EDC4: variants seen among roughly 807,000 people sequenced by gnomAD.
The protein encoded by EDC4 is enhancer of mRNA decapping 4.
A neutral mutation model predicts 155.8 loss-of-function variants in EDC4; 64 were observed. The ratio of observed to expected loss-of-function variants is 0.41; its 90% CI spans 0.34 to 0.51. The LOEUF (loss-of-function observed/expected upper bound fraction) is 0.51, where lower values mean the gene tolerates loss of function less well. EDC4 is among the 20% of genes least tolerant of loss of function. The probability of loss-of-function intolerance (pLI) is 0.19; values close to 1 mark genes in which losing one functional copy is unlikely to be tolerated. For synonymous variants in EDC4, 684 were observed against 716.8 expected, an observed-to-expected ratio of 0.95 and a Z score of 0.73; for missense variants, 1,303 against 1,812.5, an observed-to-expected ratio of 0.72 and a Z score of 5.10.
Position 67,877,461 on chromosome 16 carries a change from G to A in EDC4, c.642-48G>A, listed in dbSNP as rs755820697. The stretch of plus-strand genomic sequence containing the variant: ...CTGAAGAAGGGTGGGCGGAGCTGGG[G>A]TGTCACGCCTCTTCATTCATCTATC... On this transcript the variant is annotated intron_variant, in intron 5 of 28. Transcript: ENST00000358933. The surrounding 1 kb of genome is among the most constrained non-coding windows in gnomAD (Gnocchi z 4.9). 6 of 1,611,606 alleles carry A rather than the reference G, an allele frequency of 3.7e-6. No individual in the cohort carries two copies. Among genetic ancestry groups the A allele is most frequent in the Non-Finnish European group, 5.1e-6 (6 of 1,178,162 alleles).
At position 67,876,038 on chromosome 16, in the gene EDC4, C is replaced by T; in HGVS notation, c.176C>T (p.Thr59Ile). The stretch of plus-strand genomic sequence containing the variant: ...GACCCGCTCTGCTCAGGTGATAGTA[C>T]CTCAGCAAACAAGACTGGTCTTCGG... Reference protein sequence around the residue: ...VPDPLCSGDSTSANKTGLRTM... With the variant: ...VPDPLCSGDSISANKTGLRTM... The change falls in exon 2 of 29, where the codon ACC (threonine) becomes ATC (isoleucine). Residue 59 changes from threonine (T) to isoleucine (I), a missense_variant. By Grantham distance (89) the Thr-to-Ile change is moderately conservative (BLOSUM62 -1). Coordinates refer to ENST00000358933, the MANE Select transcript of EDC4 (RefSeq NM_014329.5). The surrounding 1 kb of genome is among the most constrained non-coding windows in gnomAD (Gnocchi z 5.8). 1 of 1,614,204 alleles carries T rather than the reference C, an allele frequency of 6.2e-7. No homozygotes were observed. Among genetic ancestry groups the T allele is most frequent in the Non-Finnish European group, 8.5e-7 (1 of 1,180,044 alleles).
Position 67,881,555 on chromosome 16 carries a change from G to T in EDC4, c.2826+22G>T, listed in dbSNP as rs779001562. On this transcript the variant is annotated intron_variant, in intron 21 of 28. Transcript: ENST00000358933. The surrounding 1 kb of genome is among the most constrained non-coding windows in gnomAD (Gnocchi z 5.4). ...CCAGGTAAGTGAATGAGCCCACTTT[G>T]TACTTGTGGAACTTCACCCTGGGCG... 1 of 1,613,752 alleles carries T rather than the reference G, an allele frequency of 6.2e-7. No homozygotes were observed.
In EDC4 at chr16:67,882,806, C is replaced by T. The variant is rs1261651047; in HGVS notation, c.3570C>T (p.Ala1190=). 5.6e-6 allele frequency: 9 copies of T among 1,614,026 alleles called. No individual in the cohort carries two copies. Among genetic ancestry groups the T allele is most frequent in the African/African-American group, 1.3e-5 (1 of 74,934 alleles). ...AGAGTGCCACTGAGCAGATGGCAGC[C>T]ACCGTGGCCGGCAGTGTTCGTGCTG... ...TLQSATEQMA[A]TVAGSVRAEV... is the part of the protein sequence containing the mutation. Residue 1190 remains alanine (A), a synonymous_variant, in exon 26 of 29, where the codon GCC becomes GCT. Transcript: ENST00000358933. The surrounding 1 kb of genome is among the most constrained non-coding windows in gnomAD (Gnocchi z 7.2).
Position 67,883,528 on chromosome 16 carries a change from T to A in EDC4, c.3850-40T>A, listed in dbSNP as rs776514778. ...GTTCAGACAAGCAGACATTCCATCC[T>A]GATATTTGCTATAAACACTGCTGCT... is the stretch of plus-strand genomic sequence containing the variant. On this transcript the variant is annotated intron_variant, in intron 27 of 28. Transcript: ENST00000358933. The surrounding 1 kb of genome is among the most constrained non-coding windows in gnomAD (Gnocchi z 5.3). 2.9e-5 allele frequency: 46 copies of A among 1,605,636 alleles called. No homozygotes were observed. The highest frequency in any genetic ancestry group is 1.0e-4 in the Admixed American group (6 of 59,962).
In EDC4 at chr16:67,881,533, G is replaced by C; in HGVS notation, c.2826G>C (p.Gln942His). 1 of 1,613,894 alleles carries C rather than the reference G, an allele frequency of 6.2e-7. No homozygotes were observed. The highest frequency in any genetic ancestry group is 8.5e-7 in the Non-Finnish European group (1 of 1,180,024). The change falls in exon 21 of 29, where the codon CAG (glutamine) becomes CAC (histidine). Residue 942 changes from glutamine (Q) to histidine (H), a missense_variant and splice_region_variant. Gln to His is a conservative substitution (Grantham distance 24, BLOSUM62 0). Coordinates refer to ENST00000358933, the MANE Select transcript of EDC4 (RefSeq NM_014329.5). The surrounding 1 kb of genome is among the most constrained non-coding windows in gnomAD (Gnocchi z 5.4). ...TGGGATCCCGGCTCACAGAGCACCAGGTAAGTGAATGAGCCCACTTTGTAC... is the reference window on the plus strand; with the variant it reads ...TGGGATCCCGGCTCACAGAGCACCACGTAAGTGAATGAGCCCACTTTGTAC... ...AAMGSRLTEH[Q>H]VAEPPEDWPA... is the part of the protein sequence containing the mutation.
In EDC4 at chr16:67,883,238, T is replaced by C; in HGVS notation, c.3849+61T>C. 1 of 1,496,326 alleles carries C rather than the reference T, an allele frequency of 6.7e-7. No individual in the cohort carries two copies. The highest frequency in any genetic ancestry group is 8.9e-7 in the Non-Finnish European group (1 of 1,120,932). The allele number at this position is 1,496,326 out of a possible 1,614,324, so 92.7% of individuals were successfully genotyped here. On this transcript the variant is annotated intron_variant, in intron 27 of 28. Transcript: ENST00000358933. The surrounding 1 kb of genome is among the most constrained non-coding windows in gnomAD (Gnocchi z 5.3). The stretch of plus-strand genomic sequence containing the variant: ...GTCTCTTGACAAGGCCCACATACCA[T>C]ACATTCTACTCCACCCACCACCTTT...
chr16:67,878,098 T>C lies in EDC4; in HGVS notation c.895-68T>C, dbSNP rs2151304761. ...TCCCACCGTGAGTCAGCCCAGCTCA[T>C]TGCCATCCTCACTTGGGAGGGGCTT... On this transcript the variant is annotated intron_variant, in intron 7 of 28. Coordinates refer to ENST00000358933, the MANE Select transcript of EDC4 (RefSeq NM_014329.5). The surrounding 1 kb of genome is among the most constrained non-coding windows in gnomAD (Gnocchi z 5.2). 6.2e-7 allele frequency: 1 copy of C among 1,602,254 alleles called. No homozygotes were observed. The highest frequency in any genetic ancestry group is 8.5e-7 in the Non-Finnish European group (1 of 1,173,488).
At chr16:67,875,726 C>A (rs2058038667) in intron 1 of EDC4, 4 of 1,363,904 alleles carry the variant, frequency 2.9e-6, no homozygotes, top group Non-Finnish European at 3.8e-6. Context: ...ATGGCTTGTA[C>A]CCCTCCCCCA....
Position 67,877,031 on chromosome 16 carries a change from C to G in EDC4, c.451+59C>G, listed in dbSNP as rs1454745658. The G allele has an allele frequency of 1.1e-5, 18 of 1,601,648 alleles. No homozygotes were observed. On this transcript the variant is annotated intron_variant, in intron 4 of 28. Coordinates refer to ENST00000358933, the MANE Select transcript of EDC4 (RefSeq NM_014329.5). This position sits in a 1 kb window ranked among gnomAD's most constrained non-coding sequence, Gnocchi z 4.9. ...TGCTGGATGTCCCACAGAGCCAGTT[C>G]CAACATCAGGCCACTCAGGCCTTAG...
Position 67,876,666 on chromosome 16 carries a change from A to T in EDC4, c.351+67A>T. 6.3e-7 allele frequency: 1 copy of T among 1,592,706 alleles called. No individual in the cohort carries two copies. The highest frequency in any genetic ancestry group is 8.6e-7 in the Non-Finnish European group (1 of 1,167,334). On this transcript the variant is annotated intron_variant, in intron 3 of 28. Transcript: ENST00000358933. The surrounding 1 kb of genome is among the most constrained non-coding windows in gnomAD (Gnocchi z 5.8). ...ACACCCAGCCTTTCCAGTCTCCCTC[A>T]TGCTGCCAGTTCCTATGGGGACCAC...
intron 1 of EDC4, 53 bp downstream of exon 1, chr16:67,873,396 C>T: frequency 1.5e-6 from 2 of 1,353,010 alleles, no homozygotes; most frequent in Non-Finnish European, 1.9e-6. Context: ...AAGGGCGGCG[C>T]GCGTCTGAAC....
rs1211651499 is a variant in EDC4, at chr16:67,880,878, A to G, written c.2419A>G (p.Thr807Ala). 1.9e-6 allele frequency: 3 copies of G among 1,612,156 alleles called. No homozygotes were observed. Among genetic ancestry groups the G allele is most frequent in the Non-Finnish European group, 2.5e-6 (3 of 1,179,600 alleles). ...GGPGDGDRHN[T>A]PSLLEAALTQ... ...CCCTGGGGATGGAGATCGGCATAAT[A>G]CCCCCTCCCTCCTGGAGGCAGCCTT... is the stretch of plus-strand genomic sequence containing the variant. Residue 807 changes from threonine (T) to alanine (A), a missense_variant, in exon 18 of 29, where the codon ACC becomes GCC. Transcript: ENST00000358933. The surrounding 1 kb of genome is among the most constrained non-coding windows in gnomAD (Gnocchi z 5.2).
rs761133650 is a variant in EDC4 at position 67,881,934 on chromosome 16, G to T, written c.3005-20G>T. The T allele has an allele frequency of 1.2e-6, 2 of 1,604,166 alleles. No homozygotes were observed. The highest frequency in any genetic ancestry group is 1.7e-6 in the Non-Finnish European group (2 of 1,173,496). On this transcript the variant is annotated intron_variant, in intron 22 of 28. Transcript: ENST00000358933. This position sits in a 1 kb window ranked among gnomAD's most constrained non-coding sequence, Gnocchi z 5.4. ...GGAGTACACGACCTGCTCCAGGCCC[G>T]TTCCTTAGCTATGGCGCAGAGCGGC... is the stretch of plus-strand genomic sequence containing the variant.
In EDC4 at chr16:67,882,022, C is replaced by A; in HGVS notation, c.3073C>A (p.Gln1025Lys). The change falls in exon 23 of 29, where the codon CAA becomes AAA. Residue 1025 changes from glutamine to lysine, a missense_variant. Gln to Lys is a moderately conservative substitution (Grantham distance 53). Transcript: ENST00000358933. The surrounding 1 kb of genome is among the most constrained non-coding windows in gnomAD (Gnocchi z 7.2). ...RGGQLQEQLT[Q>K]QLSQALSSAV... ...AGGGCAGCTGCAGGAGCAGCTGACA[C>A]AACAGTTGTCCCAAGCACTGTCGTC... 4 of 1,612,232 alleles carry A rather than the reference C, an allele frequency of 2.5e-6. No individual in the cohort carries two copies. The highest frequency in any genetic ancestry group is 3.4e-6 in the Non-Finnish European group (4 of 1,179,492).
chr16:67,878,748 A>T lies in EDC4; in HGVS notation c.1196A>T (p.Asp399Val), dbSNP rs777562314. 3 of 1,614,000 alleles carry T rather than the reference A, an allele frequency of 1.9e-6. No individual in the cohort carries two copies. The highest frequency in any genetic ancestry group is 1.3e-5 in the African/African-American group (1 of 74,896). The change falls in exon 11 of 29, where the codon GAT (aspartate) becomes GTT (valine). Residue 399 changes from aspartate (D) to valine (V), a missense_variant. Physicochemically the swap from Asp to Val is radical, Grantham distance 152. Around this residue, in one of 5 missense-constraint regions of EDC4, gnomAD observed 235 missense variants for 367.7 expected, o/e 0.64. Transcript: ENST00000358933. This position sits in a 1 kb window ranked among gnomAD's most constrained non-coding sequence, Gnocchi z 5.2. ...TCLQTIRFSP[D>V]IFSSVSVPPS... ...TTGTGGCTCTCTAGCTTCTCCCCAGATATCTTCAGCTCAGTGAGTGTGCCC... is the reference window on the plus strand; with the variant it reads ...TTGTGGCTCTCTAGCTTCTCCCCAGTTATCTTCAGCTCAGTGAGTGTGCCC...
rs1467815946 is a variant in EDC4, at chr16:67,879,870, C to T, written c.1842C>T (p.Ser614=). Residue 614 remains serine, a synonymous_variant, in exon 16 of 29, where the codon AGC becomes AGT. Coordinates refer to ENST00000358933, the MANE Select transcript of EDC4 (RefSeq NM_014329.5). This position sits in a 1 kb window ranked among gnomAD's most constrained non-coding sequence, Gnocchi z 6.0. ...CCCAGATCACTGCCTCTCCCAGCAG[C>T]AGCAGCAGCGGTAGCAGCAGCAGCA... ...SLQQITASPS[S]SSSGSSSSSS... 2 of 1,611,896 alleles carry T rather than the reference C, an allele frequency of 1.2e-6. No individual in the cohort carries two copies. Among genetic ancestry groups the T allele is most frequent in the Non-Finnish European group, 1.7e-6 (2 of 1,178,482 alleles).
rs1364819475 is a variant in EDC4 at position 67,883,980 on chromosome 16, C to T, written c.4038C>T (p.His1346=). Residue 1346 remains histidine, a synonymous_variant, in exon 29 of 29, where the codon CAC becomes CAT. Transcript: ENST00000358933. The surrounding 1 kb of genome is among the most constrained non-coding windows in gnomAD (Gnocchi z 5.3). ...KLSYLEEAVM[H]LDHSDPITRD... ...GCTACCTGGAAGAGGCCGTGATGCA[C>T]CTGGACCACAGTGACCCCATCACTC... 1.9e-6 allele frequency: 3 copies of T among 1,608,822 alleles called. No individual in the cohort carries two copies. The highest frequency in any genetic ancestry group is 2.7e-5 in the African/African-American group (2 of 74,846).
chr16:67,878,454 G>A lies in EDC4; in HGVS notation c.1088+11G>A. The A allele has an allele frequency of 6.2e-7, 1 of 1,614,230 alleles. No individual in the cohort carries two copies. Among genetic ancestry groups the A allele is most frequent in the Non-Finnish European group, 8.5e-7 (1 of 1,180,040 alleles). On this transcript the variant is annotated intron_variant, in intron 9 of 28. Transcript: ENST00000358933. This position sits in a 1 kb window ranked among gnomAD's most constrained non-coding sequence, Gnocchi z 5.2. Reference sequence around the variant, plus strand: ...GAAACAAGACCCTGAGTGAGTGAGTGGGCAGCCTAGTGGGTGGTGGGCTGG... The same window carrying A: ...GAAACAAGACCCTGAGTGAGTGAGTAGGCAGCCTAGTGGGTGGTGGGCTGG...
In EDC4 at chr16:67,878,905, G is replaced by A. The variant is rs140058008; in HGVS notation, c.1288-52G>A. 2.3e-4 allele frequency: 366 copies of A among 1,610,766 alleles called. No individual in the cohort carries two copies. The African/African-American group carries it at 2.8e-3, about 12-fold the overall frequency. ...AGAGGAAGGCCGGGGGGCAGGTGGC[G>A]CATCACAGCCCTTAGCCTCTGAGCT... On this transcript the variant is annotated intron_variant, in intron 11 of 28. Coordinates refer to ENST00000358933, the MANE Select transcript of EDC4 (RefSeq NM_014329.5). The surrounding 1 kb of genome is among the most constrained non-coding windows in gnomAD (Gnocchi z 5.2).
Sources: allele counts gnomAD v4.1 joint callset, GRCh38; gene constraint gnomAD v4.1.1; regional missense constraint gnomAD v4.1.1; non-coding constraint Gnocchi (gnomAD v3.1); transcripts MANE v1.5; gene names NCBI Gene and HGNC (gene_info 2026-07-23, HGNC 2026-07-21).